Variants in NEGR1 observed in about 807,000 individuals in gnomAD.
The protein encoded by NEGR1 is IgLON family member 4.
NEGR1 carries 10 observed loss-of-function variants against 40.9 expected under a neutral mutation model. The observed-to-expected ratio is 0.24, with a 90% CI of 0.15 to 0.42. NEGR1 has a LOEUF of 0.42. Ranked by LOEUF, NEGR1 falls within the 10% of genes least tolerant of loss-of-function variation. The pLI, the probability that NEGR1 is intolerant of heterozygous loss-of-function variation, is 1.00. For missense variants in NEGR1, 352 were observed against 438.9 expected, an observed-to-expected ratio of 0.80 and a Z score of 1.77; for synonymous variants, 185 against 166.8, an observed-to-expected ratio of 1.11 and a Z score of -0.84.
chr1:72,028,920 T>A (rs912309799), intron 1 of NEGR1, among the ~76,000 whole-genome samples: 4 of 152,194 alleles, frequency 2.6e-5, no homozygotes, highest in African/African-American at 9.7e-5. Flanking sequence ...CTCAATATAC[T>A]GTTTAGTGAA....
chr1:71,655,337 TAGTC>T (rs1223895999), intron 4 of NEGR1, among the ~76,000 whole-genome samples: 1 of 152,134 alleles, frequency 6.6e-6, no homozygotes, highest in Non-Finnish European at 1.5e-5. Flanking sequence ...ATGTATGAAA[TAGTC>T]AGGGATACCT....
intron 6 of NEGR1, chr1:71,421,557 G>A (rs1410258839): frequency 2.0e-5 from 3 of 151,988 alleles, no homozygotes; most frequent in Middle Eastern, 3.2e-3. Context: ...AAGAGTAACT[G>A]CTAATAAAAT....
chr1:71,871,742 G>T (rs12562379), intron 2 of NEGR1, among the ~76,000 whole-genome samples: 39,315 of 151,982 alleles, frequency 0.26, 5,288 homozygotes, highest in East Asian at 0.51. Context: ...TTTTATTGAG[G>T]CACAGATATA....
chr1:72,119,478 G>T (rs770070061), intron 1 of NEGR1, among the ~76,000 whole-genome samples: 18 of 151,936 alleles, frequency 1.2e-4, no homozygotes, highest in Middle Eastern at 3.4e-3. Context: ...AATGAGGGGG[G>T]CATAAGAATA....
At chr1:71,615,213 A>T (rs1035798337) in intron 4 of NEGR1, among the ~76,000 whole-genome samples, 1 of 152,206 alleles carries the variant, frequency 6.6e-6, no homozygotes, top group African/African-American at 2.4e-5. Context: ...GTTCAAAAAG[A>T]AAAGGATTCA....
chr1:71,474,317 C>T (rs547134741), intron 6 of NEGR1, among the ~76,000 whole-genome samples: 24 of 128,518 alleles, frequency 1.9e-4, no homozygotes, highest in African/African-American at 4.6e-4. Context: ...GTGATTAAAA[C>T]GGCAAAATAT....
At chr1:71,702,094 A>AT (rs1290257337) in intron 3 of NEGR1, among the ~76,000 whole-genome samples, 1 of 152,030 alleles carries the variant, frequency 6.6e-6, no homozygotes, top group Non-Finnish European at 1.5e-5. Flanking sequence ...CAAGCTTTTG[A>AT]TTTTTTTGGT....
At chr1:71,985,813 T>C (rs747699042) in intron 1 of NEGR1, among the ~76,000 whole-genome samples, 11 of 152,206 alleles carry the variant, frequency 7.2e-5, no homozygotes, top group Non-Finnish European at 1.5e-4. Context: ...AATTAGGATA[T>C]TTAATAGGCT....
intron 1 of NEGR1, among the ~76,000 whole-genome samples, chr1:72,164,356 C>T (rs1234905787): frequency 6.6e-6 from 1 of 151,440 alleles, no homozygotes; most frequent in African/African-American, 2.4e-5. Context: ...AGTCTAAGAC[C>T]AGGTATTGCT....
chr1:71,667,162 T>C (rs1162554165), intron 4 of NEGR1, among the ~76,000 whole-genome samples: 2 of 152,108 alleles, frequency 1.3e-5, no homozygotes, highest in African/African-American at 4.8e-5. Flanking sequence ...TTTTAGCAAA[T>C]GCAAAAATCA....
chr1:71,954,475 T>G (rs916647750), intron 1 of NEGR1, among the ~76,000 whole-genome samples: 4 of 151,914 alleles, frequency 2.6e-5, no homozygotes, highest in African/African-American at 9.7e-5. Flanking sequence ...ATATATACTA[T>G]GGAATTTAAA....
intron 6 of NEGR1, among the ~76,000 whole-genome samples, chr1:71,408,209 A>G (rs1479408974): frequency 6.6e-6 from 1 of 151,940 alleles, no homozygotes; most frequent in Non-Finnish European, 1.5e-5. Context: ...TCGAAGGCAT[A>G]ATAAAAGGAC....
At chr1:72,057,225 T>C (rs1647119044) in intron 1 of NEGR1, among the ~76,000 whole-genome samples, 2 of 151,614 alleles carry the variant, frequency 1.3e-5, no homozygotes, top group Non-Finnish European at 3.0e-5. Context: ...AGTCCAAACT[T>C]GAGGAAGGAA....
chr1:72,119,480 A>C (rs1317312341), intron 1 of NEGR1, among the ~76,000 whole-genome samples: 1 of 152,018 alleles, frequency 6.6e-6, no homozygotes, highest in Non-Finnish European at 1.5e-5. Context: ...TGAGGGGGGC[A>C]TAAGAATAAA....
intron 6 of NEGR1, among the ~76,000 whole-genome samples, chr1:71,577,523 T>C (rs987073221): frequency 1.3e-5 from 2 of 152,192 alleles, no homozygotes; most frequent in Non-Finnish European, 2.9e-5. Context: ...TTACAATCAA[T>C]ACACATAGTA....
chr1:71,447,357 C>G (rs1034967479), intron 6 of NEGR1, among the ~76,000 whole-genome samples: 3 of 152,214 alleles, frequency 2.0e-5, no homozygotes, highest in African/African-American at 7.2e-5. Context: ...CCAGAGAGAT[C>G]TTTACAAATG....
At chr1:71,987,514 A>G (rs1646405873) in intron 1 of NEGR1, among the ~76,000 whole-genome samples, 1 of 152,222 alleles carries the variant, frequency 6.6e-6, no homozygotes, top group Non-Finnish European at 1.5e-5. Flanking sequence ...AAAGGGGCAG[A>G]AACAGAATGC....
chr1:71,942,998 G>T (rs1433737245), intron 1 of NEGR1, among the ~76,000 whole-genome samples: 1 of 122,236 alleles, frequency 8.2e-6, no homozygotes, highest in South Asian at 2.3e-4. Context: ...GTATATATAT[G>T]TGTGTGTATA....
At chr1:71,647,750 G>T (rs1651580604) in intron 4 of NEGR1, among the ~76,000 whole-genome samples, 1 of 151,918 alleles carries the variant, frequency 6.6e-6, no homozygotes, top group African/African-American at 2.4e-5. Flanking sequence ...AAGAGTGAAA[G>T]AAACCAGGAA....
Sources: gnomAD v4.1 joint callset for allele counts (sites outside exome capture counted in the v4.1 genomes callset) on GRCh38, gnomAD v4.1.1 for gene constraint, MANE v1.5 for transcripts, NCBI Gene and HGNC (gene_info 2026-07-23, HGNC 2026-07-21) for gene names.